The following TCERG1L variants were observed in gnomAD, a reference collection of about 807,000 sequenced individuals.
TCERG1L encodes the protein transcription elongation regulator 1 like, also known as transcription elongation regulator 1-like protein.
TCERG1L carries 37 observed loss-of-function variants against 56.3 expected under a neutral mutation model. The ratio of observed to expected loss-of-function variants is 0.66; its 90% confidence interval spans 0.51 to 0.87. The LOEUF is 0.87. Among genes scored for constraint, TCERG1L ranks in the 40% least tolerant of loss-of-function variants. The pLI, the probability that TCERG1L is intolerant of heterozygous loss-of-function variation, is 0.00. For missense variants in TCERG1L, 799 were observed against 774.2 expected (o/e 1.03, Z -0.38); for synonymous variants, 324 against 326.3 (o/e 0.99, Z 0.08).
intron 8 of TCERG1L, among the ~76,000 whole-genome samples, chr10:131,121,112 A>G (rs1466170376): frequency 2.0e-5 from 3 of 152,218 alleles, no homozygotes; most frequent in African/African-American, 7.2e-5. Flanking sequence ...AACAGCAGAC[A>G]TTCTAGTGGA....
rs1035149123 is a variant in TCERG1L, at chr10:131,171,757, GAT to G, written c.857-4874_857-4873del. ...GGCTCATTTTTGTATTTTTAGTAGA[GAT>G]AGGGTTTCACCATGTTGGCCAGGCT... is the stretch of plus-strand genomic sequence containing the variant. On this transcript the variant is annotated intron_variant, in intron 4 of 11. Coordinates refer to ENST00000368642, the MANE Select transcript of TCERG1L (RefSeq NM_174937.4). 1.2e-3 allele frequency among the ~76,000 whole-genome samples: 179 copies of G among 152,258 alleles called. 1 individual carries two copies. The highest frequency in any genetic ancestry group is 4.2e-3 in the African/African-American group (173 of 41,546).
intron 4 of TCERG1L, among the ~76,000 whole-genome samples, chr10:131,241,397 C>G (rs377430899): frequency 1.3e-3 from 204 of 152,248 alleles, no homozygotes; most frequent in African/African-American, 4.8e-3. Flanking sequence ...GACAGGAGCT[C>G]CAGGAACTAA....
Position 131,250,493 on chromosome 10 carries a change from C to T in TCERG1L, c.856+9766G>A, listed in dbSNP as rs146202494. On this transcript the variant is annotated intron_variant, in intron 4 of 11. Transcript: ENST00000368642. The stretch of plus-strand genomic sequence containing the variant: ...CAGACCCTCCACAGGGAATGGTGGC[C>T]GGTATATCCTACTTGGGGAATCTCA... Among the ~76,000 whole-genome samples, 1,105 of 129,850 alleles carry T rather than the reference C, an allele frequency of 8.5e-3. 8 individuals carry two copies. The highest frequency in any genetic ancestry group is 0.013 in the Non-Finnish European group (787 of 61,666). The allele number at this position is 129,850 out of a possible 152,430, so 85.2% of individuals were successfully genotyped here. A position where few individuals can be genotyped will look rare whatever the true frequency, so the allele number is the denominator to read the frequency against.
In TCERG1L at chr10:131,260,431, G is replaced by A. The variant is rs1846225624; in HGVS notation, c.684C>T (p.Asn228=). 7.0e-7 allele frequency: 1 copy of A among 1,423,950 alleles called. No homozygotes were observed. The highest frequency in any genetic ancestry group is 9.2e-7 in the Non-Finnish European group (1 of 1,091,276). The allele number at this position is 1,423,950 out of a possible 1,614,324, so 88.2% of individuals were successfully genotyped here. A position where few individuals can be genotyped will look rare whatever the true frequency, so the allele number is the denominator to read the frequency against. The change falls in exon 4 of 12, where the codon AAC becomes AAT. Residue 228 remains asparagine (N), a synonymous_variant. Transcript: ENST00000368642. This position sits in a 1 kb window ranked among gnomAD's most constrained non-coding sequence, Gnocchi z 5.8. ...APQPIPGGCH[N]SLKVTSSPAI... is the part of the protein sequence containing the mutation. ...CGGGGCTGCTGGTCACCTTAAGGCTGTTATGGCAGCCACCTGCGGAAGAGG... is the reference window on the plus strand; with the variant it reads ...CGGGGCTGCTGGTCACCTTAAGGCTATTATGGCAGCCACCTGCGGAAGAGG...
chr10:131,138,847 T>C (rs1196161406), intron 7 of TCERG1L, among the ~76,000 whole-genome samples: 1 of 152,164 alleles, frequency 6.6e-6, no homozygotes, highest in South Asian at 2.1e-4. Flanking sequence ...ATGTTATATA[T>C]ATTTTACCAC....
At chr10:131,259,694 G>T (rs911915919) in intron 4 of TCERG1L, among the ~76,000 whole-genome samples, 1 of 152,232 alleles carries the variant, frequency 6.6e-6, no homozygotes, top group African/African-American at 2.4e-5. Context: ...ATCTCAGAAA[G>T]GGAGCACGTC....
At chr10:131,276,432 C>T (rs1187314720) in intron 3 of TCERG1L, among the ~76,000 whole-genome samples, 2 of 152,228 alleles carry the variant, frequency 1.3e-5, no homozygotes, top group African/African-American at 2.4e-5. Flanking sequence ...TTAAGCAAAA[C>T]TCCGCTGTTT....
At chr10:131,229,122 G>A (rs1341627697) in intron 4 of TCERG1L, among the ~76,000 whole-genome samples, 5 of 131,544 alleles carry the variant, frequency 3.8e-5, no homozygotes, top group South Asian at 5.3e-4. Flanking sequence ...ATTTCCTCAA[G>A]GTCTCCGGAG....
At chr10:131,139,666 G>A (rs1169796162) in intron 7 of TCERG1L, among the ~76,000 whole-genome samples, 1 of 150,304 alleles carries the variant, frequency 6.7e-6, no homozygotes, top group East Asian at 2.0e-4. Flanking sequence ...TTGCCAGCAA[G>A]GCTATGCATA....
At chr10:131,149,582 T>C (rs988563625) in intron 6 of TCERG1L, among the ~76,000 whole-genome samples, 1 of 152,354 alleles carries the variant, frequency 6.6e-6, no homozygotes, top group African/African-American at 2.4e-5. Flanking sequence ...GGGTAGAGAC[T>C]GACTCCTTTC....
rs148518334 is a variant in TCERG1L, at chr10:131,140,774, G to A, written c.1189+5732C>T. Among the ~76,000 whole-genome samples, 527 of 152,300 alleles carry A rather than the reference G, an allele frequency of 3.5e-3. 6 individuals carry two copies. Among genetic ancestry groups the A allele is most frequent in the African/African-American group, 0.012 (485 of 41,576 alleles). On this transcript the variant is annotated intron_variant, in intron 7 of 11. Coordinates refer to ENST00000368642, the MANE Select transcript of TCERG1L (RefSeq NM_174937.4). ...GGGCACCAGGACGAGATGGAGAGCCGGAGCCCTTGGTGGAGAGGGCAAGGC... is the reference window on the plus strand; with the variant it reads ...GGGCACCAGGACGAGATGGAGAGCCAGAGCCCTTGGTGGAGAGGGCAAGGC...
chr10:131,129,250 G>A (rs928691823), intron 8 of TCERG1L, among the ~76,000 whole-genome samples: 2 of 152,032 alleles, frequency 1.3e-5, no homozygotes, highest in African/African-American at 2.4e-5. Flanking sequence ...AACCATGGCT[G>A]GAAGCCCATT....
chr10:131,196,440 G>A (rs1175331618), intron 4 of TCERG1L, among the ~76,000 whole-genome samples: 1 of 152,212 alleles, frequency 6.6e-6, no homozygotes, highest in Non-Finnish European at 1.5e-5. Context: ...CCAGGCCAAG[G>A]GATGCCAGCT....
intron 4 of TCERG1L, among the ~76,000 whole-genome samples, chr10:131,209,709 T>G (rs138272423): frequency 4.3e-4 from 66 of 152,184 alleles, no homozygotes; most frequent in African/African-American, 1.6e-3. Flanking sequence ...CACAGTATCA[T>G]AGTAGGGCAA....
At chr10:131,095,325 A>G (rs1322600693) in intron 11 of TCERG1L, 1 of 153,226 alleles carries the variant, frequency 6.5e-6, no homozygotes, top group Non-Finnish European at 1.5e-5. Flanking sequence ...AGAGGCGGGC[A>G]GGGCTGGGGC....
Position 131,311,377 on chromosome 10 carries a change from C to G in TCERG1L, c.259G>C (p.Val87Leu), listed in dbSNP as rs1037750495. ...GAGGGCAGCGGCAGCAGCGGGAGCA[C>G]CGGCTCGCTCGGGGCCGGCCAGCCG... ...LPGWPAPSEPVLPLLPLPSAP... is the reference protein window; with the variant it reads ...LPGWPAPSEPLLPLLPLPSAP... The change falls in exon 1 of 12, where the codon GTG (valine) becomes CTG (leucine). Residue 87 changes from valine to leucine, a missense_variant. Coordinates refer to ENST00000368642, the MANE Select transcript of TCERG1L (RefSeq NM_174937.4). This position sits in a 1 kb window ranked among gnomAD's most constrained non-coding sequence, Gnocchi z 4.0. The G allele has an allele frequency of 3.4e-6, 4 of 1,193,764 alleles. No homozygotes were observed. Among genetic ancestry groups the G allele is most frequent in the Non-Finnish European group, 4.1e-6 (4 of 965,184 alleles). The allele number at this position is 1,193,764 out of a possible 1,614,324, so 73.9% of individuals were successfully genotyped here. A position where few individuals can be genotyped will look rare whatever the true frequency, so the allele number is the denominator to read the frequency against.
chr10:131,228,227 GCC>G (rs1380170536), intron 4 of TCERG1L, among the ~76,000 whole-genome samples: 1 of 133,188 alleles, frequency 7.5e-6, no homozygotes, highest in Non-Finnish European at 1.6e-5. Flanking sequence ...TTTCCTCAAG[GCC>G]TCCGGAGTCT....
intron 4 of TCERG1L, among the ~76,000 whole-genome samples, chr10:131,215,674 G>C (rs1845663005): frequency 6.6e-6 from 1 of 152,318 alleles, no homozygotes; most frequent in East Asian, 1.9e-4. Flanking sequence ...GAGAGGGGCT[G>C]TGGAGAGGGA....
chr10:131,116,866 GGC>G lies in TCERG1L; in HGVS notation c.1326_1327del (p.Pro444AlafsTer38). On this transcript the variant is annotated frameshift_variant, in exon 9 of 12. Transcript: ENST00000368642. LOFTEE classifies it high-confidence loss of function. Reference sequence around the variant, plus strand: ...CTCCAGAGGCAGGAGGATCTGCGGGGGCGGCGTCCTTGTGCCTTTGTCCTCTC... The same window carrying G: ...CTCCAGAGGCAGGAGGATCTGCGGGGGGCGTCCTTGTGCCTTTGTCCTCTC... 1 of 1,591,812 alleles carries G rather than the reference GGC, an allele frequency of 6.3e-7. No individual in the cohort carries two copies. Among genetic ancestry groups the G allele is most frequent in the Middle Eastern group, 1.7e-4 (1 of 6,044 alleles).
Sources: allele counts gnomAD v4.1 joint callset (sites outside exome capture counted in the v4.1 genomes callset), GRCh38; gene constraint gnomAD v4.1.1; non-coding constraint Gnocchi (gnomAD v3.1); transcripts MANE v1.5; gene names NCBI Gene and HGNC (gene_info 2026-07-23, HGNC 2026-07-21).